The following GPC5 variants were observed in gnomAD, a reference collection of about 807,000 sequenced individuals.
The protein encoded by GPC5 is glypican 5, also known as glypican-5.
A neutral mutation model predicts 53.9 loss-of-function variants in GPC5; 47 were observed. The observed-to-expected ratio is 0.87, with a 90% CI of 0.69 to 1.11. The LOEUF is 1.11. Among genes scored for constraint, GPC5 ranks in the 50% most tolerant of loss-of-function variants. The probability of loss-of-function intolerance (pLI) is 0.00; values close to 1 mark genes in which losing one functional copy is unlikely to be tolerated. For missense variants in GPC5, 748 were observed against 713.1 expected, an observed-to-expected ratio of 1.05 and a Z score of -0.56; for synonymous variants, 286 against 263.3, an observed-to-expected ratio of 1.09 and a Z score of -0.84.
intron 7 of GPC5, among the ~76,000 whole-genome samples, chr13:92,348,056 G>A (rs1228817748): frequency 9.1e-6 from 1 of 110,428 alleles, no homozygotes; most frequent in Admixed American, 9.6e-5. Context: ...GACAGCATAA[G>A]AGGCAGAAAC....
intron 7 of GPC5, among the ~76,000 whole-genome samples, chr13:92,834,862 C>A (rs1878171387): frequency 6.6e-6 from 1 of 152,026 alleles, no homozygotes; most frequent in African/African-American, 2.4e-5. Flanking sequence ...TGACAAGAAT[C>A]GAACTTACCA....
intron 5 of GPC5, among the ~76,000 whole-genome samples, chr13:91,823,403 A>C (rs2038526869): frequency 6.6e-6 from 1 of 152,092 alleles, no homozygotes; most frequent in Admixed American, 6.6e-5. Context: ...ACAGATGTGA[A>C]ATATGGATCA....
At chr13:91,847,870 A>G (rs2038869646) in intron 5 of GPC5, among the ~76,000 whole-genome samples, 1 of 152,180 alleles carries the variant, frequency 6.6e-6, no homozygotes, top group African/African-American at 2.4e-5. Context: ...CCATAAATCT[A>G]ATTTTTGAAG....
intron 7 of GPC5, among the ~76,000 whole-genome samples, chr13:92,682,165 A>C (rs1009676796): frequency 1.3e-5 from 2 of 152,218 alleles, no homozygotes. Flanking sequence ...GACTGATTCA[A>C]CTGAAGTTTC....
chr13:91,570,891 T>C (rs960295957), intron 2 of GPC5, among the ~76,000 whole-genome samples: 2 of 152,168 alleles, frequency 1.3e-5, no homozygotes, highest in African/African-American at 4.8e-5. Context: ...TTAGTCAAAT[T>C]GTCTTAATTA....
intron 7 of GPC5, among the ~76,000 whole-genome samples, chr13:92,662,466 AG>A (rs71123429): frequency 0.85 from 128,612 of 152,042 alleles, 55,541 homozygotes; most frequent in Non-Finnish European, 0.94. Context: ...TATCAAGTTG[AG>A]GGGTACCACT....
intron 2 of GPC5, among the ~76,000 whole-genome samples, chr13:91,549,836 G>A (rs1226427360): frequency 6.6e-6 from 1 of 152,152 alleles, no homozygotes; most frequent in African/African-American, 2.4e-5. Context: ...AGCTACTCTG[G>A]AAGACAGTTT....
At chr13:92,387,871 G>T (rs994482954) in intron 7 of GPC5, among the ~76,000 whole-genome samples, 3 of 152,054 alleles carry the variant, frequency 2.0e-5, no homozygotes, top group African/African-American at 7.2e-5. Flanking sequence ...TCCGTGTAAG[G>T]CATGTGAAAT....
In GPC5 at chr13:91,960,141, C is replaced by CTTTACTGA. The variant is rs1235260436; in HGVS notation, c.1401+52086_1401+52093dup. On this transcript the variant is annotated intron_variant, in intron 6 of 7. Transcript: ENST00000377067. ...GAAAAGAGGAAGTCAAAGTGTCCCT[C>CTTTACTGA]TTTACTGATAATATGATCTTATTCT... Among the ~76,000 whole-genome samples, 8 of 148,764 alleles carry CTTTACTGA rather than the reference C, an allele frequency of 5.4e-5. No individual in the cohort carries two copies. The South Asian group carries it at 8.7e-4, about 16-fold the overall frequency.
At position 92,622,565 on chromosome 13, in the gene GPC5, AT is replaced by A. The variant is rs113203386; in HGVS notation, c.1562-243705del. Among the ~76,000 whole-genome samples the A allele has an allele frequency of 5.8e-3, 842 of 145,522 alleles. 13 individuals are homozygous for A. The highest frequency in any genetic ancestry group is 0.017 in the African/African-American group (696 of 39,902). Reference sequence around the variant, plus strand: ...ACATTTTGTACTATTCCATTGATTGATTTTTTTTTTTTCTTTGAGACAGGTT... The same window carrying A: ...ACATTTTGTACTATTCCATTGATTGATTTTTTTTTTTCTTTGAGACAGGTT... On this transcript the variant is annotated intron_variant, in intron 7 of 7. Transcript: ENST00000377067.
intron 6 of GPC5, among the ~76,000 whole-genome samples, chr13:91,931,545 T>C (rs2039821805): frequency 6.6e-6 from 1 of 152,020 alleles, no homozygotes; most frequent in African/African-American, 2.4e-5. Context: ...GAAATCCCAC[T>C]GTGTTAGTAA....
chr13:92,445,139 T>C (rs1299712395), intron 7 of GPC5, among the ~76,000 whole-genome samples: 3 of 151,852 alleles, frequency 2.0e-5, no homozygotes, highest in African/African-American at 7.2e-5. Flanking sequence ...TTTTCTTTCA[T>C]TTATTCCTTC....
intron 2 of GPC5, among the ~76,000 whole-genome samples, chr13:91,621,327 A>G (rs150916519): frequency 7.3e-4 from 111 of 152,198 alleles, no homozygotes; most frequent in African/African-American, 2.6e-3. Flanking sequence ...AACAGCACAC[A>G]TATTTCTCAT....
chr13:91,835,744 G>A (rs1195835021), intron 5 of GPC5, among the ~76,000 whole-genome samples: 6 of 151,962 alleles, frequency 3.9e-5, no homozygotes, highest in Non-Finnish European at 8.8e-5. Flanking sequence ...GGGGTTGGGG[G>A]GTGAGGGGAG....
chr13:91,700,691 T>C (rs1427041184), intron 3 of GPC5, among the ~76,000 whole-genome samples: 1 of 152,162 alleles, frequency 6.6e-6, no homozygotes, highest in African/African-American at 2.4e-5. Flanking sequence ...TTTCTTGACA[T>C]CTTCTTCTTT....
chr13:92,465,617 C>A (rs1300035239), intron 7 of GPC5, among the ~76,000 whole-genome samples: 2 of 151,912 alleles, frequency 1.3e-5, no homozygotes, highest in Non-Finnish European at 2.9e-5. Flanking sequence ...AGGTGGATGG[C>A]CACATCATTT....
chr13:91,646,941 T>A (rs1014722143), intron 2 of GPC5, among the ~76,000 whole-genome samples: 5 of 152,218 alleles, frequency 3.3e-5, no homozygotes, highest in Non-Finnish European at 7.3e-5. Flanking sequence ...TTTGAAAATA[T>A]TAACTTTATT....
chr13:91,544,500 ATAT>A (rs1291621495), intron 2 of GPC5, among the ~76,000 whole-genome samples: 1 of 152,190 alleles, frequency 6.6e-6, no homozygotes, highest in Admixed American at 6.5e-5. Flanking sequence ...ATGGACATTA[ATAT>A]TATAAATGTT....
chr13:91,901,164 T>C (rs188007437), intron 5 of GPC5, among the ~76,000 whole-genome samples: 73 of 152,144 alleles, frequency 4.8e-4, no homozygotes, highest in African/African-American at 1.7e-3. Flanking sequence ...TAAATAACAA[T>C]AAAGATCATA....
Sources: gnomAD v4.1 joint callset for allele counts (sites outside exome capture counted in the v4.1 genomes callset) on GRCh38, gnomAD v4.1.1 for gene constraint, MANE v1.5 for transcripts, NCBI Gene and HGNC (gene_info 2026-07-23, HGNC 2026-07-21) for gene names.